Variants in TOGARAM2 observed in about 807,000 individuals in gnomAD.
TOGARAM2 encodes TOG array regulator of axonemal microtubules protein 2.
TOGARAM2 carries 85 observed loss-of-function variants against 93.3 expected under a neutral mutation model. The ratio of observed to expected loss-of-function variants is 0.91; its 90% confidence interval spans 0.76 to 1.09. The LOEUF is 1.09. Among genes scored for constraint, TOGARAM2 ranks in the 50% least tolerant of loss-of-function variants. TOGARAM2 has a pLI of 0.00. For synonymous variants in TOGARAM2, 593 were observed against 552.8 expected, an observed-to-expected ratio of 1.07 and a Z score of -1.02; for missense variants, 1,277 against 1,334.5, an observed-to-expected ratio of 0.96 and a Z score of 0.67.
At position 29,032,763 on chromosome 2, in the gene TOGARAM2, T is replaced by C. The variant is rs925886818; in HGVS notation, c.2013-171T>C. The C allele has an allele frequency of 8.6e-6, 5 of 581,776 alleles. No homozygotes were observed. The Admixed American group carries it at 1.7e-4, about 19-fold the overall frequency. 36.0% of individuals were successfully genotyped at this position (581,776 alleles called of 1,614,324 possible). A position where few individuals can be genotyped will look rare whatever the true frequency, so the allele number is the denominator to read the frequency against. ...GGATTTTCTCTTGGTAATGGGATTA[T>C]AGATGATGTTTATTTTATTAATCTA... On this transcript the variant is annotated intron_variant, in intron 14 of 19. Transcript: ENST00000379558.
At chr2:29,006,837 C>T (rs1048299597) in intron 6 of TOGARAM2, among the ~76,000 whole-genome samples, 2 of 152,146 alleles carry the variant, frequency 1.3e-5, no homozygotes, top group Admixed American at 6.5e-5. Context: ...CTTTCCCACT[C>T]AGACGCTGGC....
chr2:29,038,710 G>A (rs1666261689), intron 18 of TOGARAM2, among the ~76,000 whole-genome samples: 1 of 152,194 alleles, frequency 6.6e-6, no homozygotes, highest in Non-Finnish European at 1.5e-5. Flanking sequence ...CTCCCAAAGT[G>A]CTGGGATTAC....
chr2:29,001,233 A>G (rs1337409627), intron 4 of TOGARAM2, among the ~76,000 whole-genome samples: 1 of 152,212 alleles, frequency 6.6e-6, no homozygotes, highest in East Asian at 1.9e-4. Context: ...CCCACAGGCT[A>G]ACCACAACAC....
chr2:28,972,279 G>C lies in TOGARAM2; in HGVS notation c.-147+15582G>C, dbSNP rs1292402733. ...AATTTTTTTGATGTTAGTAGAGATG[G>C]GGTTTCACCATGTTGCCTAGGGTGG... On this transcript the variant is annotated intron_variant, in intron 1 of 6. Coordinates refer to the TOGARAM2 transcript ENST00000401723. 3 of 152,232 alleles carry C rather than the reference G, an allele frequency of 2.0e-5. No individual in the cohort carries two copies. In the East Asian group the frequency reaches 5.8e-4, roughly 29 times the overall value. The allele number at this position is 152,232 out of a possible 1,614,324, so 9.4% of individuals were successfully genotyped here.
At chr2:28,973,987 C>G (rs1238031384) in intron 1 of TOGARAM2, among the ~76,000 whole-genome samples, 1 of 152,124 alleles carries the variant, frequency 6.6e-6, no homozygotes, top group Non-Finnish European at 1.5e-5. Flanking sequence ...CTGCCATTCT[C>G]TTGGTTGTCC....
intron 4 of TOGARAM2, among the ~76,000 whole-genome samples, chr2:29,002,127 G>A (rs1248478481): frequency 6.6e-6 from 1 of 152,166 alleles, no homozygotes; most frequent in Non-Finnish European, 1.5e-5. Flanking sequence ...ACAGTGGCAG[G>A]TACTTGCCTG....
intron 18 of TOGARAM2, among the ~76,000 whole-genome samples, chr2:29,039,567 G>T (rs1275423642): frequency 1.3e-5 from 2 of 152,190 alleles, no homozygotes; most frequent in Non-Finnish European, 2.9e-5. Context: ...GTTTCCCCAG[G>T]CTGGGTGGGG....
intron 1 of TOGARAM2, among the ~76,000 whole-genome samples, chr2:28,982,243 T>C (rs1672231046): frequency 6.6e-6 from 1 of 152,206 alleles, no homozygotes; most frequent in Admixed American, 6.5e-5. Context: ...TGTTCCTTTC[T>C]GGAGCACATT....
intron 1 of TOGARAM2, among the ~76,000 whole-genome samples, chr2:28,969,509 C>G (rs1671914988): frequency 6.6e-6 from 1 of 152,196 alleles, no homozygotes; most frequent in Non-Finnish European, 1.5e-5. Flanking sequence ...GTCACTCACA[C>G]CAATGGGTCA....
chr2:29,002,768 T>C (rs1300915532), intron 5 of TOGARAM2, 21 bp downstream of exon 5: 1 of 1,604,934 alleles, frequency 6.2e-7, no homozygotes, highest in South Asian at 1.1e-5. Flanking sequence ...TCGACTGCTG[T>C]GAGTCTGGTC....
chr2:28,981,569 A>G (rs1572625104), intron 1 of TOGARAM2, 31 bp downstream of exon 1: 1 of 152,476 alleles, frequency 6.6e-6, no homozygotes, highest in Admixed American at 6.5e-5. Context: ...CAAGCCATCT[A>G]TTGTAGGTGG....
chr2:28,967,722 G>T (rs1161231110), intron 1 of TOGARAM2, among the ~76,000 whole-genome samples: 2 of 151,122 alleles, frequency 1.3e-5, no homozygotes, highest in East Asian at 3.9e-4. Flanking sequence ...TACCTTCCAC[G>T]AGTGTCAATT....
intron 1 of TOGARAM2, among the ~76,000 whole-genome samples, chr2:28,992,749 C>G (rs1435756715): frequency 6.6e-6 from 1 of 152,074 alleles, no homozygotes; most frequent in Admixed American, 6.6e-5. Context: ...ATTTTTTGAT[C>G]CTGTCTGAAC....
intron 19 of TOGARAM2, chr2:29,046,478 A>G (rs1279565024): frequency 6.6e-6 from 1 of 152,324 alleles, no homozygotes; most frequent in Non-Finnish European, 1.5e-5. Context: ...TGAAATGCAG[A>G]CAGATCATGC....
intron 1 of TOGARAM2, among the ~76,000 whole-genome samples, chr2:28,994,101 A>G (rs993469925): frequency 2.2e-4 from 34 of 152,130 alleles, no homozygotes; most frequent in African/African-American, 8.2e-4. Context: ...AAATAAAATG[A>G]AGTTAGGTCA....
chr2:28,960,386 AT>A (rs560397668), intron 1 of TOGARAM2, among the ~76,000 whole-genome samples: 6 of 151,802 alleles, frequency 4.0e-5, no homozygotes, highest in African/African-American at 1.2e-4. Context: ...TTAATTTTTA[AT>A]TTTTTTTGAG....
intron 8 of TOGARAM2, among the ~76,000 whole-genome samples, chr2:29,016,812 C>G: frequency 6.6e-6 from 1 of 152,340 alleles, no homozygotes; most frequent in Non-Finnish European, 1.5e-5. Context: ...CCCTCTGCTT[C>G]AAACACTTCT....
At chr2:28,992,413 G>A (rs1393997901) in intron 1 of TOGARAM2, among the ~76,000 whole-genome samples, 1 of 152,118 alleles carries the variant, frequency 6.6e-6, no homozygotes, top group Non-Finnish European at 1.5e-5. Context: ...GGGATGCTTT[G>A]GCGAGCCATG....
intron 6 of TOGARAM2, among the ~76,000 whole-genome samples, chr2:29,008,747 G>A (rs545932923): frequency 3.8e-4 from 58 of 152,278 alleles, no homozygotes; most frequent in African/African-American, 7.9e-4. Flanking sequence ...AGAAGCCACC[G>A]CACCTGGCCA....
Sources: gnomAD v4.1 joint callset for allele counts (sites outside exome capture counted in the v4.1 genomes callset) on GRCh38, gnomAD v4.1.1 for gene constraint, MANE v1.5 for transcripts, NCBI Gene and HGNC (gene_info 2026-07-23, HGNC 2026-07-21) for gene names.